TMED3: variants seen among roughly 807,000 people sequenced by gnomAD.
TMED3 encodes transmembrane emp24 domain-containing protein 3.
A neutral mutation model predicts 15.0 loss-of-function variants in TMED3; 9 were observed. The observed-to-expected ratio is 0.60, with a 90% CI of 0.36 to 1.04. The LOEUF is 1.04. Ranked by LOEUF, TMED3 falls within the 50% of genes least tolerant of loss-of-function variation. TMED3 has a pLI of 0.01. For synonymous variants in TMED3, 117 were observed against 121.4 expected (o/e 0.96, Z 0.24); for missense variants, 267 against 278.9 (o/e 0.96, Z 0.30).
chr15:79,354,793 G>C (rs189293206), intron 2 of TMED3, among the ~76,000 whole-genome samples: 1 of 152,254 alleles, frequency 6.6e-6, no homozygotes, highest in African/African-American at 2.4e-5. Context: ...GTCATTCCCT[G>C]TGGGGGCCCA....
chr15:79,348,732 T>G (rs1192132278), intron 2 of TMED3, among the ~76,000 whole-genome samples: 1 of 152,210 alleles, frequency 6.6e-6, no homozygotes, highest in Non-Finnish European at 1.5e-5. Context: ...ACCTTTAAAA[T>G]GGAACCTCTT....
At chr15:79,389,244 T>A (rs1436089588) in intron 2 of TMED3, among the ~76,000 whole-genome samples, 2 of 152,224 alleles carry the variant, frequency 1.3e-5, no homozygotes, top group African/African-American at 4.8e-5. Context: ...AAGTCCTTAA[T>A]CCATCTGGAG....
At chr15:79,335,322 TCAAA>T (rs1270171644) in intron 2 of TMED3, among the ~76,000 whole-genome samples, 3 of 152,102 alleles carry the variant, frequency 2.0e-5, no homozygotes, top group Non-Finnish European at 2.9e-5. Context: ...TGAAGTTTCA[TCAAA>T]CAAACAAACA....
intron 2 of TMED3, among the ~76,000 whole-genome samples, chr15:79,380,994 A>G (rs1209949373): frequency 6.6e-6 from 1 of 152,122 alleles, no homozygotes; most frequent in East Asian, 1.9e-4. Flanking sequence ...TTTTTGTCCA[A>G]AAATGCCATT....
intron 2 of TMED3, among the ~76,000 whole-genome samples, chr15:79,336,487 G>A (rs1400658941): frequency 6.6e-6 from 1 of 152,122 alleles, no homozygotes; most frequent in African/African-American, 2.4e-5. Context: ...GTGAAACCCT[G>A]CCTCTACTAA....
At chr15:79,360,358 A>G (rs566795588) in intron 2 of TMED3, among the ~76,000 whole-genome samples, 4 of 152,224 alleles carry the variant, frequency 2.6e-5, no homozygotes, top group Non-Finnish European at 5.9e-5. Context: ...TGGTCATGCC[A>G]TCGAGGAACC....
intron 2 of TMED3, among the ~76,000 whole-genome samples, chr15:79,358,995 G>A (rs1273831167): frequency 6.6e-6 from 1 of 152,184 alleles, no homozygotes; most frequent in Non-Finnish European, 1.5e-5. Context: ...TCTACTGGGA[G>A]TGCAGTGGCT....
chr15:79,413,702 A>G (rs576645570), exon 3 of TMED3: 3 of 152,290 alleles, frequency 2.0e-5, no homozygotes, highest in Admixed American at 6.5e-5. Flanking sequence ...GAACTTTACA[A>G]TCTAGTTAGA....
intron 2 of TMED3, among the ~76,000 whole-genome samples, chr15:79,363,100 A>T (rs1893162712): frequency 6.6e-6 from 1 of 152,232 alleles, no homozygotes; most frequent in Non-Finnish European, 1.5e-5. Flanking sequence ...TTTATGTCAG[A>T]GGGAAACAAT....
intron 2 of TMED3, among the ~76,000 whole-genome samples, chr15:79,386,794 G>A (rs780746446): frequency 1.4e-4 from 21 of 148,374 alleles, no homozygotes; most frequent in Non-Finnish European, 2.2e-4. Flanking sequence ...TGATCCACCC[G>A]TCTCAGCCTC....
At chr15:79,331,758 CAAAAG>C (rs1426815202) in intron 2 of TMED3, among the ~76,000 whole-genome samples, 2 of 151,938 alleles carry the variant, frequency 1.3e-5, no homozygotes, top group African/African-American at 2.4e-5. Context: ...GAATATTTCT[CAAAAG>C]AAGACATATA....
intron 2 of TMED3, among the ~76,000 whole-genome samples, chr15:79,377,371 T>G (rs1429652771): frequency 6.6e-6 from 1 of 151,806 alleles, no homozygotes; most frequent in Admixed American, 6.6e-5. Context: ...TGAGTGTAGG[T>G]GTGTCTTATT....
intron 2 of TMED3, among the ~76,000 whole-genome samples, chr15:79,317,024 C>T (rs764001262): frequency 5.3e-5 from 8 of 152,118 alleles, no homozygotes; most frequent in South Asian, 2.1e-4. Flanking sequence ...GGATGATTCT[C>T]GGGGATGTAT....
Position 79,316,331 on chromosome 15 carries a change from C to G in TMED3, c.417+2326C>G, listed in dbSNP as rs373528807. Among the ~76,000 whole-genome samples, 118 of 152,268 alleles carry G rather than the reference C, an allele frequency of 7.7e-4. 1 individual carries two copies. Among genetic ancestry groups the G allele is most frequent in the Admixed American group, 1.2e-3 (19 of 15,290 alleles). On this transcript the variant is annotated intron_variant, in intron 2 of 2. Transcript: ENST00000299705. ...AATGCGACTTCAGGAAAGCCAAGCT[C>G]GAGGGGCTTCCAGGCTTCCTGAGAA...
intron 2 of TMED3, among the ~76,000 whole-genome samples, chr15:79,348,677 T>C (rs2058880073): frequency 6.6e-6 from 1 of 152,360 alleles, no homozygotes; most frequent in East Asian, 1.9e-4. Flanking sequence ...CCCAGTAGTG[T>C]GATTGCTGAA....
chr15:79,338,601 A>G (rs1381023594), intron 2 of TMED3, among the ~76,000 whole-genome samples: 1 of 152,240 alleles, frequency 6.6e-6, no homozygotes, highest in Non-Finnish European at 1.5e-5. Context: ...ATATGATTAT[A>G]TATGAATATC....
At chr15:79,353,550 G>T (rs2058906531) in intron 2 of TMED3, among the ~76,000 whole-genome samples, 1 of 132,230 alleles carries the variant, frequency 7.6e-6, no homozygotes, top group Non-Finnish European at 1.6e-5. Context: ...TAAATGTGCA[G>T]ATTTTAACCA....
At chr15:79,354,468 G>A (rs1223439183) in intron 2 of TMED3, among the ~76,000 whole-genome samples, 1 of 152,112 alleles carries the variant, frequency 6.6e-6, no homozygotes, top group Non-Finnish European at 1.5e-5. Context: ...CTCAGCCATT[G>A]GGCTTGTGTG....
intron 2 of TMED3, among the ~76,000 whole-genome samples, chr15:79,333,416 C>T (rs2058816627): frequency 6.6e-6 from 1 of 152,194 alleles, no homozygotes; most frequent in East Asian, 1.9e-4. Context: ...TAGAAAGCAA[C>T]TGTCTTTTTC....
Sources: gnomAD v4.1 joint callset for allele counts (sites outside exome capture counted in the v4.1 genomes callset) on GRCh38, gnomAD v4.1.1 for gene constraint, MANE v1.5 for transcripts, NCBI Gene and HGNC (gene_info 2026-07-23, HGNC 2026-07-21) for gene names.